KHDRBS2: variants seen among roughly 807,000 people sequenced by gnomAD.
The protein encoded by KHDRBS2 is KH RNA binding domain containing, signal transduction associated 2.
Under a neutral mutation model 44.3 loss-of-function variants are expected in KHDRBS2, and 26 were observed. That is an observed-to-expected ratio of 0.59 (90% CI 0.43 to 0.81). KHDRBS2 has a LOEUF of 0.81. KHDRBS2 is among the 40% of genes least tolerant of loss of function. The pLI, the probability that KHDRBS2 is intolerant of heterozygous loss-of-function variation, is 0.00. For synonymous variants in KHDRBS2, 194 were observed against 151.1 expected, an observed-to-expected ratio of 1.28 and a Z score of -2.08; for missense variants, 476 against 433.1, an observed-to-expected ratio of 1.10 and a Z score of -0.88.
intron 1 of KHDRBS2, among the ~76,000 whole-genome samples, chr6:62,282,878 G>A (rs559218066): frequency 2.0e-5 from 3 of 152,216 alleles, no homozygotes; most frequent in Admixed American, 2.0e-4. Flanking sequence ...TAATTTGAGA[G>A]ACAAGGAAAC....
intron 1 of KHDRBS2, among the ~76,000 whole-genome samples, chr6:62,250,641 C>T (rs898363747): frequency 1.3e-5 from 2 of 151,774 alleles, no homozygotes; most frequent in African/African-American, 4.8e-5. Flanking sequence ...GTTGGAAAAC[C>T]AACATTTTTT....
intron 6 of KHDRBS2, among the ~76,000 whole-genome samples, chr6:61,790,268 T>C (rs1451159943): frequency 6.6e-6 from 1 of 151,454 alleles, no homozygotes; most frequent in Non-Finnish European, 1.5e-5. Context: ...TTTCTCTACT[T>C]GTTTGGAAGA....
chr6:61,844,148 T>C (rs1041974984), intron 6 of KHDRBS2, among the ~76,000 whole-genome samples: 9 of 152,092 alleles, frequency 5.9e-5, no homozygotes, highest in African/African-American at 1.9e-4. Context: ...CAGGCAAAAA[T>C]AAATATACTT....
At chr6:61,861,008 T>C (rs764737169) in intron 6 of KHDRBS2, among the ~76,000 whole-genome samples, 5 of 152,090 alleles carry the variant, frequency 3.3e-5, no homozygotes, top group African/African-American at 7.2e-5. Flanking sequence ...GTTGTCTGCA[T>C]GTATGTCTTG....
At chr6:61,626,824 C>T in the KHDRBS2 span, among the ~76,000 whole-genome samples, 1 of 152,004 alleles carries the variant, frequency 6.6e-6, no homozygotes, top group Non-Finnish European at 1.5e-5. Flanking sequence ...TGACCTTTTA[C>T]TTTGTGGCTG....
chr6:61,705,898 T>C (rs1365692765), intron 7 of KHDRBS2, among the ~76,000 whole-genome samples: 2 of 151,844 alleles, frequency 1.3e-5, no homozygotes, highest in African/African-American at 4.8e-5. Context: ...CATGGTATTG[T>C]TGAAAATCCA....
intron 2 of KHDRBS2, among the ~76,000 whole-genome samples, chr6:62,152,341 A>G (rs1815387305): frequency 6.6e-6 from 1 of 152,104 alleles, no homozygotes; most frequent in African/African-American, 2.4e-5. Context: ...AAAAACAAAC[A>G]AAAAAATACT....
chr6:61,988,717 G>A (rs1237247418), intron 3 of KHDRBS2, among the ~76,000 whole-genome samples: 2 of 152,032 alleles, frequency 1.3e-5, no homozygotes, highest in Non-Finnish European at 2.9e-5. Flanking sequence ...GGAAAAATCA[G>A]AAAAACCAAA....
the KHDRBS2 span, among the ~76,000 whole-genome samples, chr6:61,545,076 A>G: frequency 6.6e-6 from 1 of 152,068 alleles, no homozygotes; most frequent in African/African-American, 2.4e-5. Context: ...AACTTCAAGT[A>G]TAATAAAAAA....
chr6:61,904,055 A>G (rs1456564228), intron 4 of KHDRBS2, among the ~76,000 whole-genome samples: 1 of 152,216 alleles, frequency 6.6e-6, no homozygotes, highest in East Asian at 1.9e-4. Flanking sequence ...TAACAAATAC[A>G]GAGGGGACCA....
chr6:61,760,276 C>A (rs1779081831), intron 6 of KHDRBS2, among the ~76,000 whole-genome samples: 1 of 151,966 alleles, frequency 6.6e-6, no homozygotes, highest in Non-Finnish European at 1.5e-5. Flanking sequence ...AGAACAAGGC[C>A]CCAAATTGTT....
intron 2 of KHDRBS2, among the ~76,000 whole-genome samples, chr6:62,063,518 C>A (rs1397729766): frequency 7.2e-4 from 109 of 151,222 alleles, no homozygotes; most frequent in Middle Eastern, 3.4e-3. Flanking sequence ...AACAGAGCCA[C>A]AGACAAAAAC....
intron 7 of KHDRBS2, among the ~76,000 whole-genome samples, chr6:61,704,698 G>A (rs1365236997): frequency 3.3e-5 from 5 of 151,758 alleles, no homozygotes; most frequent in South Asian, 2.1e-4. Context: ...GTCACTCTGC[G>A]GGCAGTGTCT....
chr6:61,949,811 AAT>A (rs1764372771), intron 4 of KHDRBS2, among the ~76,000 whole-genome samples: 1 of 152,170 alleles, frequency 6.6e-6, no homozygotes, highest in South Asian at 2.1e-4. Context: ...TATAGATCTA[AAT>A]ATATCTTCCT....
chr6:61,851,638 G>T (rs1057486616), intron 6 of KHDRBS2, among the ~76,000 whole-genome samples: 5 of 152,098 alleles, frequency 3.3e-5, no homozygotes, highest in African/African-American at 1.2e-4. Context: ...GGCCTTAAAA[G>T]AAACCAAATC....
chr6:62,070,131 C>T (rs1478904836), intron 2 of KHDRBS2, among the ~76,000 whole-genome samples: 1 of 151,646 alleles, frequency 6.6e-6, no homozygotes, highest in Non-Finnish European at 1.5e-5. Flanking sequence ...AGAAGTTAAA[C>T]CTATTTGCAT....
At chr6:61,813,732 C>A (rs1193331598) in intron 6 of KHDRBS2, among the ~76,000 whole-genome samples, 2 of 152,016 alleles carry the variant, frequency 1.3e-5, no homozygotes, top group Non-Finnish European at 2.9e-5. Flanking sequence ...TTTACTTTAT[C>A]AATATTAATA....
intron 1 of KHDRBS2, among the ~76,000 whole-genome samples, chr6:62,218,519 A>C (rs1279327694): frequency 6.6e-6 from 1 of 151,882 alleles, no homozygotes; most frequent in Admixed American, 6.6e-5. Context: ...ACAGATATCA[A>C]ATATGTATAA....
the KHDRBS2 span, among the ~76,000 whole-genome samples, chr6:61,616,577 TTTGA>T: frequency 0.19 from 29,352 of 151,550 alleles, 3,308 homozygotes; most frequent in South Asian, 0.33. Context: ...ATTTAATTAA[TTTGA>T]TTGATTGATT....
Sources: gnomAD v4.1 joint callset for allele counts (sites outside exome capture counted in the v4.1 genomes callset) on GRCh38, gnomAD v4.1.1 for gene constraint, MANE v1.5 for transcripts, NCBI Gene and HGNC (gene_info 2026-07-23, HGNC 2026-07-21) for gene names.